The following ADAMTSL3 variants were observed in gnomAD, a reference collection of about 807,000 sequenced individuals.
The protein encoded by ADAMTSL3 is ADAMTS-like protein 3.
In ADAMTSL3, 128 loss-of-function variants were observed where a neutral mutation model predicts 201.7. The observed-to-expected ratio is 0.63, with a 90% confidence interval of 0.55 to 0.73. ADAMTSL3 has a LOEUF of 0.73. ADAMTSL3 is among the 30% of genes least tolerant of loss of function. The pLI, the probability that ADAMTSL3 is intolerant of heterozygous loss-of-function variation, is 0.00. For missense variants in ADAMTSL3, 1,990 were observed against 2,119.6 expected (o/e 0.94, Z 1.20); for synonymous variants, 738 against 748.4 (o/e 0.99, Z 0.23).
At chr15:83,678,333 T>G (rs2061433180) in intron 2 of ADAMTSL3, among the ~76,000 whole-genome samples, 2 of 152,162 alleles carry the variant, frequency 1.3e-5, no homozygotes, top group South Asian at 4.1e-4. Context: ...GTAGGCCTTC[T>G]GGTGACAAAT....
intron 8 of ADAMTSL3, 90 bp from the exon 9 acceptor site, chr15:83,870,712 C>T: frequency 1.9e-6 from 2 of 1,080,606 alleles, no homozygotes; most frequent in Non-Finnish European, 2.6e-6. Context: ...GTTTTGATAT[C>T]ATATACTGAC....
At chr15:83,899,947 T>A (rs2065691741) in intron 15 of ADAMTSL3, among the ~76,000 whole-genome samples, 1 of 152,188 alleles carries the variant, frequency 6.6e-6, no homozygotes. Context: ...AAAAGAACAG[T>A]GTTACTTAAC....
rs1305026027 is a variant in ADAMTSL3 at position 83,884,338 on chromosome 15, C to CCTTTTTTTTTTT, written c.961-763_961-762insCTTTTTTTTTTT. On this transcript the variant is annotated intron_variant, in intron 9 of 29. Coordinates refer to ENST00000286744, the MANE Select transcript of ADAMTSL3 (RefSeq NM_207517.3). ...TGTTACCTCATTGGTGCCCTATTTC[C>CCTTTTTTTTTTT]TTTTTTTTTTTTTTTTTTTTTTGAG... Among the ~76,000 whole-genome samples, 12 of 114,486 alleles carry CCTTTTTTTTTTT rather than the reference C, an allele frequency of 1.0e-4. 2 individuals carry two copies. Among genetic ancestry groups the CCTTTTTTTTTTT allele is most frequent in the African/African-American group, 6.9e-5 (2 of 28,892 alleles). 75.1% of individuals were successfully genotyped at this position (114,486 alleles called of 152,430 possible).
chr15:83,726,233 T>A lies in ADAMTSL3; in HGVS notation c.189+21725T>A, dbSNP rs538376472. Among the ~76,000 whole-genome samples, 13 of 152,320 alleles carry A rather than the reference T, an allele frequency of 8.5e-5. No individual in the cohort carries two copies. The East Asian group carries it at 2.3e-3, about 27-fold the overall frequency. On this transcript the variant is annotated intron_variant, in intron 3 of 29. Coordinates refer to ENST00000286744, the MANE Select transcript of ADAMTSL3 (RefSeq NM_207517.3). ...GGCATATGGAAATGCTACTGATTTT[T>A]GTATGCTGACTTTGTGTCCTGCAAC...
intron 23 of ADAMTSL3, among the ~76,000 whole-genome samples, chr15:83,999,578 GTAGAAGTTACAGTTTCC>G (rs2141856089): frequency 6.6e-6 from 1 of 152,272 alleles, no homozygotes; most frequent in South Asian, 2.1e-4. Flanking sequence ...GAAAAGGTAG[GTAGAAGTTACAGTTTCC>G]TGATTAATTC....
At chr15:83,662,477 G>A (rs2141363736) in intron 2 of ADAMTSL3, among the ~76,000 whole-genome samples, 1 of 148,476 alleles carries the variant, frequency 6.7e-6, no homozygotes, top group Admixed American at 6.8e-5. Flanking sequence ...GCTAGATGAC[G>A]AGTTAGTGGG....
chr15:83,790,996 A>G (rs990466283), intron 4 of ADAMTSL3, among the ~76,000 whole-genome samples: 6 of 152,212 alleles, frequency 3.9e-5, no homozygotes, highest in Non-Finnish European at 8.8e-5. Context: ...ATGAAAGAGG[A>G]ACCCTAATAA....
At chr15:83,864,328 C>G (rs1478075346) in intron 8 of ADAMTSL3, among the ~76,000 whole-genome samples, 2 of 152,140 alleles carry the variant, frequency 1.3e-5, no homozygotes, top group Non-Finnish European at 1.5e-5. Flanking sequence ...AATTTTAGAC[C>G]AATATCCCTG....
At chr15:83,943,627 G>A (rs987169600) in intron 19 of ADAMTSL3, among the ~76,000 whole-genome samples, 14 of 152,208 alleles carry the variant, frequency 9.2e-5, no homozygotes, top group African/African-American at 3.4e-4. Context: ...TTTCAGGTGG[G>A]GGAAATTAAA....
At chr15:83,740,172 A>G (rs1375747298) in intron 3 of ADAMTSL3, 1 of 245,812 alleles carries the variant, frequency 4.1e-6, no homozygotes, top group Non-Finnish European at 8.8e-6. Flanking sequence ...TGACCAGTGC[A>G]CAGGGCTTTA....
In ADAMTSL3 at chr15:84,009,749, G is replaced by A. The variant is rs957693864; in HGVS notation, c.3974-4793G>A. ...TCCTGAATCCTATCTGTGGACCCAC[G>A]TGAGTCTCATGGTCCCCGGGTTGAG... On this transcript the variant is annotated intron_variant, in intron 23 of 29. Transcript: ENST00000286744. 6.6e-5 allele frequency among the ~76,000 whole-genome samples: 10 copies of A among 152,298 alleles called. No individual in the cohort carries two copies. In the South Asian group the frequency reaches 1.9e-3, roughly 28 times the overall value.
intron 2 of ADAMTSL3, among the ~76,000 whole-genome samples, chr15:83,672,187 T>A (rs1020802019): frequency 6.6e-6 from 1 of 152,232 alleles, no homozygotes; most frequent in African/African-American, 2.4e-5. Flanking sequence ...AGGGTTGGTA[T>A]AGCTCATTTA....
intron 3 of ADAMTSL3, among the ~76,000 whole-genome samples, chr15:83,769,093 ATTCT>A (rs921649320): frequency 4.0e-5 from 6 of 151,786 alleles, no homozygotes; most frequent in African/African-American, 1.5e-4. Context: ...TAGAATCAAG[ATTCT>A]TTTTTTTTTT....
intron 16 of ADAMTSL3, among the ~76,000 whole-genome samples, chr15:83,918,069 G>A (rs1399190275): frequency 6.6e-6 from 1 of 152,056 alleles, no homozygotes. Context: ...ATTTTTATGA[G>A]TTTTCTAAGT....
intron 3 of ADAMTSL3, among the ~76,000 whole-genome samples, chr15:83,760,540 G>A (rs375385756): frequency 5.5e-4 from 84 of 152,044 alleles, no homozygotes; most frequent in African/African-American, 1.8e-3. Flanking sequence ...ATTCTGTATC[G>A]TTACTTATTT....
In ADAMTSL3 at chr15:83,768,754, T is replaced by C. The variant is rs538850758; in HGVS notation, c.190-4769T>C. ...TGGCCCAAGTGGCGCTTCATTCTGC[T>C]TCAGTGGAGTTATTTCTGAATGTCT... On this transcript the variant is annotated intron_variant, in intron 3 of 29. Transcript: ENST00000286744. 3.3e-5 allele frequency among the ~76,000 whole-genome samples: 5 copies of C among 152,334 alleles called. No individual in the cohort carries two copies. The South Asian group carries it at 1.0e-3, about 32-fold the overall frequency.
chr15:83,823,925 CTT>C (rs1567169523), intron 6 of ADAMTSL3, among the ~76,000 whole-genome samples: 6 of 122,408 alleles, frequency 4.9e-5, no homozygotes, highest in African/African-American at 1.9e-4. Flanking sequence ...TCTTCTTCTT[CTT>C]CTTCTTCTTC....
chr15:83,679,804 T>A (rs2061453205), intron 2 of ADAMTSL3, among the ~76,000 whole-genome samples: 1 of 152,150 alleles, frequency 6.6e-6, no homozygotes, highest in African/African-American at 2.4e-5. Context: ...CTGCCACCAC[T>A]GGGTAAGGGT....
intron 15 of ADAMTSL3, among the ~76,000 whole-genome samples, chr15:83,911,168 C>T (rs1169531495): frequency 3.9e-5 from 6 of 152,190 alleles, no homozygotes; most frequent in Non-Finnish European, 8.8e-5. Context: ...CCTCTTTACA[C>T]ACTCTAGTTC....
Sources: allele counts gnomAD v4.1 joint callset (sites outside exome capture counted in the v4.1 genomes callset), GRCh38; gene constraint gnomAD v4.1.1; transcripts MANE v1.5; gene names NCBI Gene and HGNC (gene_info 2026-07-23, HGNC 2026-07-21).